ABCC2: variants seen among roughly 807,000 people sequenced by gnomAD.
ABCC2 encodes ATP binding cassette subfamily C member 2, also known as ATP-binding cassette sub-family C member 2.
A neutral mutation model predicts 173.4 loss-of-function variants in ABCC2; 157 were observed. The observed-to-expected ratio is 0.91, with a 90% CI of 0.80 to 1.03. The LOEUF (loss-of-function observed/expected upper bound fraction) is 1.03. Among genes scored for constraint, ABCC2 ranks in the 50% least tolerant of loss-of-function variants. ABCC2 has a pLI of 0.00. For synonymous variants in ABCC2, 657 were observed against 693.5 expected, an observed-to-expected ratio of 0.95 and a Z score of 0.83; for missense variants, 1,822 against 1,852.3, an observed-to-expected ratio of 0.98 and a Z score of 0.30.
chr10:99,813,918 G>T (rs1178242605), intron 16 of ABCC2, among the ~76,000 whole-genome samples: 1 of 152,090 alleles, frequency 6.6e-6, no homozygotes, highest in East Asian at 1.9e-4. Flanking sequence ...AAAAACAGTA[G>T]ATTGTACAAT....
At chr10:99,849,579 G>A (rs1168812403) in intron 30 of ABCC2, among the ~76,000 whole-genome samples, 1 of 152,216 alleles carries the variant, frequency 6.6e-6, no homozygotes, top group African/African-American at 2.4e-5. Flanking sequence ...AGTTCAGCTT[G>A]GAGAGAGCAG....
At chr10:99,849,572 T>G (rs2039061498) in intron 30 of ABCC2, among the ~76,000 whole-genome samples, 1 of 152,216 alleles carries the variant, frequency 6.6e-6, no homozygotes, top group Non-Finnish European at 1.5e-5. Flanking sequence ...ATGGGTAAGT[T>G]CAGCTTGGAG....
chr10:99,810,155 C>G lies in ABCC2; in HGVS notation c.1837C>G (p.Leu613Val). 6.2e-7 allele frequency: 1 copy of G among 1,613,600 alleles called. No individual in the cohort carries two copies. The highest frequency in any genetic ancestry group is 8.5e-7 in the Non-Finnish European group (1 of 1,179,582). ...MLQASVSTER[L>V]EKYLGGDDLD... ...CTAGGCCAGTGTTTCCACAGAGCGGCTAGAGAAGTACTTGGGAGGGGATGA... is the reference window on the plus strand; with the variant it reads ...CTAGGCCAGTGTTTCCACAGAGCGGGTAGAGAAGTACTTGGGAGGGGATGA... Residue 613 changes from leucine (L) to valine (V), a missense_variant, in exon 14 of 32, where the codon CTA becomes GTA. Physicochemically the swap from Leu to Val is conservative, Grantham distance 32 (BLOSUM62 1). Coordinates refer to ENST00000647814, the MANE Select transcript of ABCC2 (RefSeq NM_000392.5).
Position 99,814,201 on chromosome 10 carries a change from A to ATATACACACATGTGTATG in ABCC2, c.2094+1074_2094+1075insGTATACACACATGTGTAT, listed in dbSNP as rs2038287237. ...CATGTATGTATACACACATGTGTAT[A>ATATACACACATGTGTATG]TATACACACATGTGTATATATACAC... is the stretch of plus-strand genomic sequence containing the variant. On this transcript the variant is annotated intron_variant, in intron 16 of 31. Transcript: ENST00000647814. Among the ~76,000 whole-genome samples, 5 of 36,874 alleles carry ATATACACACATGTGTATG rather than the reference A, an allele frequency of 1.4e-4. 1 individual carries two copies. The highest frequency in any genetic ancestry group is 2.8e-4 in the Non-Finnish European group (5 of 17,686). The allele number at this position is 36,874 out of a possible 152,430, so 24.2% of individuals were successfully genotyped here.
At chr10:99,844,574 A>G (rs1226607533) in intron 28 of ABCC2, 109 bp downstream of exon 28, 80 of 1,444,936 alleles carry the variant, frequency 5.5e-5, no homozygotes, top group Non-Finnish European at 7.6e-5. Flanking sequence ...ATGGAGGGAA[A>G]GGGTCAGGGC....
intron 6 of ABCC2, 45 bp downstream of exon 6, chr10:99,794,513 A>C (rs1032355276): frequency 6.5e-7 from 1 of 1,529,468 alleles, no homozygotes; most frequent in African/African-American, 1.4e-5. Context: ...TTACTCTCTC[A>C]CTCCTCTGAA....
chr10:99,814,169 ATACACACATGTATG>A lies in ABCC2; in HGVS notation c.2094+1028_2094+1041del, dbSNP rs2038280761. Among the ~76,000 whole-genome samples the A allele has an allele frequency of 1.5e-5, 2 of 136,654 alleles. 1 individual carries two copies. Among genetic ancestry groups the A allele is most frequent in the Non-Finnish European group, 3.2e-5 (2 of 62,978 alleles). The allele number at this position is 136,654 out of a possible 152,430, so 89.7% of individuals were successfully genotyped here. A position where few individuals can be genotyped will look rare whatever the true frequency, so the allele number is the denominator to read the frequency against. On this transcript the variant is annotated intron_variant, in intron 16 of 31. Transcript: ENST00000647814. ...CACATGTATGTATACACACGTATAT[ATACACACATGTATG>A]TATACACACATGTGTATATATACAC...
chr10:99,810,018 T>A (rs2038181790), intron 13 of ABCC2, 116 bp from the exon 14 acceptor site: 1 of 909,340 alleles, frequency 1.1e-6, no homozygotes, highest in South Asian at 1.4e-5. Context: ...TCGGTGGAGA[T>A]TAGGAGATGC....
At chr10:99,824,271 G>T (rs920630152) in intron 19 of ABCC2, among the ~76,000 whole-genome samples, 2 of 149,600 alleles carry the variant, frequency 1.3e-5, no homozygotes, top group Admixed American at 6.7e-5. Flanking sequence ...TGTTTTTAAT[G>T]TGTCTTTTCT....
intron 6 of ABCC2, chr10:99,794,701 T>C (rs532502889): frequency 6.1e-5 from 29 of 476,194 alleles, no homozygotes; most frequent in African/African-American, 5.3e-4. Context: ...TGAGCTACCA[T>C]GCCCAGCTAA....
intron 16 of ABCC2, among the ~76,000 whole-genome samples, chr10:99,815,521 G>GA (rs1451278913): frequency 2.0e-5 from 3 of 151,908 alleles, no homozygotes; most frequent in African/African-American, 7.3e-5. Flanking sequence ...TTTAACGGAG[G>GA]AAAATGTTTT....
Position 99,782,716 on chromosome 10 carries a change from T to C in ABCC2, c.-129T>C. 1 of 1,088,780 alleles carries C rather than the reference T, an allele frequency of 9.2e-7. No homozygotes were observed. Among genetic ancestry groups the C allele is most frequent in the Non-Finnish European group, 1.4e-6 (1 of 721,690 alleles). The allele number at this position is 1,088,780 out of a possible 1,614,324, so 67.4% of individuals were successfully genotyped here. A position where few individuals can be genotyped will look rare whatever the true frequency, so the allele number is the denominator to read the frequency against. On this transcript the variant is annotated 5_prime_UTR_variant, in exon 1 of 32. Transcript: ENST00000647814. The stretch of plus-strand genomic sequence containing the variant: ...ACGATTAAATGGTTGGGATGAAAGG[T>C]CATCCTTTACGGAGAACATCAGAAT...
At chr10:99,806,099 G>A (rs1014433289) in intron 11 of ABCC2, among the ~76,000 whole-genome samples, 9 of 151,984 alleles carry the variant, frequency 5.9e-5, no homozygotes, top group African/African-American at 2.2e-4. Context: ...GTGTGTGTGT[G>A]TGTGTGTGTG....
chr10:99,804,700 G>C (rs571016251), intron 10 of ABCC2, among the ~76,000 whole-genome samples: 1 of 152,190 alleles, frequency 6.6e-6, no homozygotes, highest in Non-Finnish European at 1.5e-5. Flanking sequence ...GGAGGGCTCC[G>C]TGTGGACAGT....
intron 23 of ABCC2, among the ~76,000 whole-genome samples, chr10:99,832,675 A>G (rs1202132411): frequency 6.6e-6 from 1 of 152,262 alleles, no homozygotes; most frequent in Non-Finnish European, 1.5e-5. Context: ...TCCATTCCTG[A>G]AACTTCTATC....
Position 99,803,710 on chromosome 10 carries a change from G to T in ABCC2, c.1210-309G>T, listed in dbSNP as rs374903413. ...CAGGACGAATATCTAACCCCAACTT[G>T]GTAGTCACGGTGGTTTTCTTATAAG... On this transcript the variant is annotated intron_variant, in intron 9 of 31. Transcript: ENST00000647814. Among the ~76,000 whole-genome samples, 76 of 152,200 alleles carry T rather than the reference G, an allele frequency of 5.0e-4. 2 individuals are homozygous for T. The South Asian group carries it at 7.1e-3, about 14-fold the overall frequency.
chr10:99,807,988 C>T (rs975859078), intron 12 of ABCC2, 95 bp from the exon 13 acceptor site: 23 of 1,455,004 alleles, frequency 1.6e-5, no homozygotes, highest in East Asian at 2.3e-5. Flanking sequence ...ATCCTTAAGG[C>T]GCCTTCAACT....
intron 11 of ABCC2, 73 bp from the exon 12 acceptor site, chr10:99,807,311 A>G (rs2038126567): frequency 1.9e-6 from 3 of 1,578,580 alleles, no homozygotes; most frequent in Non-Finnish European, 2.6e-6. Flanking sequence ...ATCTTAAAAC[A>G]TGGGTGGATC....
In ABCC2 at chr10:99,814,193, A is replaced by ATATG. The variant is rs1564683546; in HGVS notation, c.2094+1050_2094+1051insATGT. The stretch of plus-strand genomic sequence containing the variant: ...TATACACACATGTATGTATACACAC[A>ATATG]TGTGTATATATACACACATGTGTAT... On this transcript the variant is annotated intron_variant, in intron 16 of 31. Transcript: ENST00000647814. Among the ~76,000 whole-genome samples, 24 of 37,450 alleles carry ATATG rather than the reference A, an allele frequency of 6.4e-4. 1 individual carries two copies. Among genetic ancestry groups the ATATG allele is most frequent in the Admixed American group, 1.0e-3 (4 of 3,840 alleles). The allele number at this position is 37,450 out of a possible 152,430, so 24.6% of individuals were successfully genotyped here. A position where few individuals can be genotyped will look rare whatever the true frequency, so the allele number is the denominator to read the frequency against.
Sources: gnomAD v4.1 joint callset for allele counts (sites outside exome capture counted in the v4.1 genomes callset) on GRCh38, gnomAD v4.1.1 for gene constraint, MANE v1.5 for transcripts, NCBI Gene and HGNC (gene_info 2026-07-23, HGNC 2026-07-21) for gene names.